TENM4: variants seen among roughly 807,000 people sequenced by gnomAD.
TENM4 encodes the protein teneurin transmembrane protein 4, also known as teneurin-4.
A neutral mutation model predicts 243.3 loss-of-function variants in TENM4; 82 were observed. The ratio of observed to expected loss-of-function variants is 0.34; its 90% CI spans 0.28 to 0.40. TENM4 has a LOEUF of 0.40. Ranked by LOEUF, TENM4 falls within the 10% of genes least tolerant of loss-of-function variation. The probability of loss-of-function intolerance (pLI) is 1.00; values close to 1 mark genes in which losing one functional copy is unlikely to be tolerated. For synonymous variants in TENM4, 1,412 were observed against 1,456.3 expected, an observed-to-expected ratio of 0.97 and a Z score of 0.69; for missense variants, 3,138 against 3,673.3, an observed-to-expected ratio of 0.85 and a Z score of 3.77.
chr11:78,999,152 G>A (rs941555495), intron 6 of TENM4, among the ~76,000 whole-genome samples: 1 of 152,150 alleles, frequency 6.6e-6, no homozygotes, highest in African/African-American at 2.4e-5. Flanking sequence ...CAAGTGATTA[G>A]GGACACCAGT....
chr11:79,138,423 T>TAAA (rs1165812864), intron 4 of TENM4, among the ~76,000 whole-genome samples: 1 of 114,498 alleles, frequency 8.7e-6, no homozygotes. Context: ...ATATATTATA[T>TAAA]TATATATAAA....
rs1858774037 is a variant in TENM4, at chr11:79,016,334, CT to C, written c.493+48403del. On this transcript the variant is annotated intron_variant, in intron 6 of 33. Coordinates refer to ENST00000278550, the MANE Select transcript of TENM4 (RefSeq NM_001098816.3). The stretch of plus-strand genomic sequence containing the variant: ...ATTTTTGGAGGTGGAACCAACAGGA[CT>C]TGTTGGTGATTTAGACACAGAAGAT... Among the ~76,000 whole-genome samples the C allele has an allele frequency of 2.6e-5, 4 of 152,098 alleles. No individual in the cohort carries two copies. The East Asian group carries it at 7.8e-4, about 29-fold the overall frequency.
intron 1 of TENM4, among the ~76,000 whole-genome samples, chr11:79,427,759 T>A (rs2135601176): frequency 6.6e-6 from 1 of 152,320 alleles, no homozygotes; most frequent in South Asian, 2.1e-4. Flanking sequence ...GTAATACTTA[T>A]CCTAGTAATA....
At chr11:78,843,156 T>C (rs1238687645) in intron 12 of TENM4, among the ~76,000 whole-genome samples, 1 of 152,118 alleles carries the variant, frequency 6.6e-6, no homozygotes, top group Non-Finnish European at 1.5e-5. Context: ...TGGGCGCCTA[T>C]AATCCCAGCT....
At chr11:79,439,236 A>G (rs1859344950) in intron 1 of TENM4, 1 of 150,762 alleles carries the variant, frequency 6.6e-6, no homozygotes, top group Non-Finnish European at 1.5e-5. Context: ...ATGCAGGTTC[A>G]GGCAAAACTC....
chr11:79,025,466 GT>G (rs1280899223), intron 6 of TENM4, among the ~76,000 whole-genome samples: 1 of 152,184 alleles, frequency 6.6e-6, no homozygotes, highest in Non-Finnish European at 1.5e-5. Context: ...TATCATCTCA[GT>G]TTGGGAGATT....
chr11:78,994,822 G>T (rs746966780), intron 6 of TENM4, among the ~76,000 whole-genome samples: 10 of 152,202 alleles, frequency 6.6e-5, no homozygotes, highest in Non-Finnish European at 1.5e-4. Flanking sequence ...GACAAACAGA[G>T]ACTTGTCCTA....
At chr11:79,401,828 T>C (rs529259138) in intron 1 of TENM4, among the ~76,000 whole-genome samples, 175 of 152,220 alleles carry the variant, frequency 1.1e-3, no homozygotes, top group African/African-American at 4.1e-3. Flanking sequence ...TGGGTTTTGG[T>C]GAGCAGGTTG....
At chr11:79,179,359 A>G (rs1349015107) in intron 3 of TENM4, among the ~76,000 whole-genome samples, 1 of 152,186 alleles carries the variant, frequency 6.6e-6, no homozygotes, top group Non-Finnish European at 1.5e-5. Flanking sequence ...ACTTATTTGC[A>G]TACTGTCTAT....
intron 9 of TENM4, among the ~76,000 whole-genome samples, chr11:78,883,561 C>T (rs367681834): frequency 5.3e-5 from 8 of 152,220 alleles, no homozygotes; most frequent in Non-Finnish European, 5.9e-5. Context: ...AATGTAAAGC[C>T]GCTCCTCATT....
Position 78,787,005 on chromosome 11 carries a change from G to A in TENM4, c.2258C>T (p.Ala753Val). The A allele has an allele frequency of 6.4e-7, 1 of 1,571,354 alleles. No homozygotes were observed. The change falls in exon 16 of 34, where the codon GCA becomes GTA. Residue 753 changes from alanine (A) to valine (V), a missense_variant. Physicochemically the swap from Ala to Val is moderately conservative, Grantham distance 64 (BLOSUM62 0). Coordinates refer to ENST00000278550, the MANE Select transcript of TENM4 (RefSeq NM_001098816.3). ...TCRCEDGWMG[A>V]ACDQRACHPR... ...GTGGCAGGCCCGCTGGTCGCAGGCTGCCCCCATCCAGCCATCCTCGCAGCG... is the reference window on the plus strand; with the variant it reads ...GTGGCAGGCCCGCTGGTCGCAGGCTACCCCCATCCAGCCATCCTCGCAGCG...
intron 4 of TENM4, among the ~76,000 whole-genome samples, chr11:79,105,879 C>G (rs186533505): frequency 3.6e-4 from 54 of 151,014 alleles, no homozygotes; most frequent in African/African-American, 1.0e-3. Context: ...ATTAATGGTG[C>G]TAGGAGATGC....
chr11:78,997,925 C>A (rs1858217469), intron 6 of TENM4, among the ~76,000 whole-genome samples: 1 of 152,118 alleles, frequency 6.6e-6, no homozygotes, highest in African/African-American at 2.4e-5. Context: ...GAGAAGTCTT[C>A]TCTCTCTCTT....
chr11:79,035,518 A>G (rs1859354443), intron 6 of TENM4, among the ~76,000 whole-genome samples: 1 of 142,232 alleles, frequency 7.0e-6, no homozygotes, highest in Non-Finnish European at 1.6e-5. Context: ...TTCCTTGTAG[A>G]AGATTTAAAA....
At chr11:79,273,591 G>A (rs1856004337) in intron 2 of TENM4, among the ~76,000 whole-genome samples, 2 of 152,182 alleles carry the variant, frequency 1.3e-5, no homozygotes, top group South Asian at 2.1e-4. Flanking sequence ...GTTAAGTTGT[G>A]TAGCTAGTTC....
At chr11:78,721,455 G>C (rs986103677) in intron 24 of TENM4, among the ~76,000 whole-genome samples, 21 of 152,192 alleles carry the variant, frequency 1.4e-4, no homozygotes, top group Non-Finnish European at 4.4e-5. Context: ...CCTCCAGGGA[G>C]GAACTTAACA....
At chr11:79,000,054 A>G (rs1858275426) in intron 6 of TENM4, among the ~76,000 whole-genome samples, 1 of 152,250 alleles carries the variant, frequency 6.6e-6, no homozygotes, top group Non-Finnish European at 1.5e-5. Context: ...GAAAGCATCA[A>G]TACAATTAAT....
intron 1 of TENM4, among the ~76,000 whole-genome samples, chr11:79,386,762 TAA>T (rs1305267476): frequency 6.7e-6 from 1 of 150,268 alleles, no homozygotes; most frequent in African/African-American, 2.4e-5. Context: ...TTTTTTTTTT[TAA>T]GTGAGCAAAA....
intron 6 of TENM4, among the ~76,000 whole-genome samples, chr11:78,907,726 C>T (rs371732805): frequency 1.1e-4 from 17 of 152,278 alleles, no homozygotes; most frequent in South Asian, 6.2e-4. Context: ...TACAGAATGT[C>T]GGGGAAAGAA....
Sources: gnomAD v4.1 joint callset for allele counts (sites outside exome capture counted in the v4.1 genomes callset) on GRCh38, gnomAD v4.1.1 for gene constraint, MANE v1.5 for transcripts, NCBI Gene and HGNC (gene_info 2026-07-23, HGNC 2026-07-21) for gene names.